The following LHX6 variants were observed in gnomAD, a reference collection of about 807,000 sequenced individuals.
LHX6 encodes the protein LIM/homeobox protein Lhx6.
LHX6 carries 15 observed loss-of-function variants against 47.1 expected under a neutral mutation model. That is an observed-to-expected ratio of 0.32 (90% CI 0.21 to 0.49). LHX6 has a LOEUF of 0.49. Among genes scored for constraint, LHX6 ranks in the 20% least tolerant of loss-of-function variants. The probability of loss-of-function intolerance (pLI) is 0.99; values close to 1 mark genes in which losing one functional copy is unlikely to be tolerated. For synonymous variants in LHX6, 242 were observed against 233.5 expected (o/e 1.04, Z -0.33); for missense variants, 404 against 539.6 (o/e 0.75, Z 2.49).
chr9:122,228,153 A>G, intron 1 of LHX6: 2 of 964,532 alleles, frequency 2.1e-6, no homozygotes, highest in Non-Finnish European at 1.6e-6. Context: ...AAGCAGCTAT[A>G]TTGACACGGA....
intron 4 of LHX6, among the ~76,000 whole-genome samples, chr9:122,225,236 T>C (rs1397188402): frequency 6.6e-6 from 1 of 152,196 alleles, no homozygotes; most frequent in African/African-American, 2.4e-5. Context: ...TGTCTGTGGG[T>C]TGGAGGGTAG....
In LHX6 at chr9:122,214,392, G is replaced by A. The variant is rs1156453861; in HGVS notation, c.683-9C>T. 1.3e-6 allele frequency: 2 copies of A among 1,556,092 alleles called. No homozygotes were observed. Among genetic ancestry groups the A allele is most frequent in the Non-Finnish European group, 1.7e-6 (2 of 1,156,388 alleles). On this transcript the variant is annotated splice_polypyrimidine_tract_variant and intron_variant, in intron 5 of 9. Coordinates refer to ENST00000394319, the MANE Select transcript of LHX6 (RefSeq NM_014368.5). This position sits in a 1 kb window ranked among gnomAD's most constrained non-coding sequence, Gnocchi z 4.6. ...CAACGTGAGGCCGTTCCCTGGGGGC[G>A]ATAGAAGCAGCTGACCACGCGTCCC...
Position 122,204,753 on chromosome 9 carries a change from G to C in LHX6, c.*7C>G, listed in dbSNP as rs748139868. 6.3e-7 allele frequency: 1 copy of C among 1,599,004 alleles called. No individual in the cohort carries two copies. On this transcript the variant is annotated 3_prime_UTR_variant, in exon 10 of 10. Coordinates refer to ENST00000394319, the MANE Select transcript of LHX6 (RefSeq NM_014368.5). ...GCCCACGGGCAGATGCGGAAGTGCC[G>C]GCAGCGTTAGTACTGAAAAAGGATG...
Position 122,226,034 on chromosome 9 carries a change from C to A in LHX6, c.461+342G>T, listed in dbSNP as rs912710509. Among the ~76,000 whole-genome samples, 7 of 152,130 alleles carry A rather than the reference C, an allele frequency of 4.6e-5. No homozygotes were observed. Among genetic ancestry groups the A allele is most frequent in the Non-Finnish European group, 1.0e-4 (7 of 68,022 alleles). On this transcript the variant is annotated intron_variant, in intron 4 of 9. Transcript: ENST00000394319. The surrounding 1 kb of genome is among the most constrained non-coding windows in gnomAD (Gnocchi z 6.5). Reference sequence around the variant, plus strand: ...CGGCTGGGATCCGAGTGGGTCCGGGCCAGAAATGGGGACCTCAGAGCTCCA... The same window carrying A: ...CGGCTGGGATCCGAGTGGGTCCGGGACAGAAATGGGGACCTCAGAGCTCCA...
chr9:122,227,781 G>GCA (rs1801273096), intron 1 of LHX6: 6 of 407,880 alleles, frequency 1.5e-5, no homozygotes, highest in African/African-American at 4.2e-5. Context: ...AAAAACACGC[G>GCA]CACACACACA....
intron 8 of LHX6, among the ~76,000 whole-genome samples, chr9:122,210,331 T>C (rs141048042): frequency 6.6e-6 from 1 of 152,266 alleles, no homozygotes; most frequent in African/African-American, 2.4e-5. Context: ...TGCAAGCAAG[T>C]CTGTACCCTG....
chr9:122,211,716 G>A (rs184133448), intron 8 of LHX6, among the ~76,000 whole-genome samples: 56 of 152,344 alleles, frequency 3.7e-4, no homozygotes, highest in South Asian at 6.2e-4. Flanking sequence ...TCTTCTCTAA[G>A]CAGCAAAGAC....
rs1205222561 is a variant in LHX6, at chr9:122,217,752, G to A, written c.462-464C>T. Among the ~76,000 whole-genome samples, 1 of 152,182 alleles carries A rather than the reference G, an allele frequency of 6.6e-6. No individual in the cohort carries two copies. Among genetic ancestry groups the A allele is most frequent in the Non-Finnish European group, 1.5e-5 (1 of 68,026 alleles). ...GGAGGTCACACCGCTTGCAATGATAGGAACCCTAGCGATCCTGCTCCAGAG... is the reference window on the plus strand; with the variant it reads ...GGAGGTCACACCGCTTGCAATGATAAGAACCCTAGCGATCCTGCTCCAGAG... On this transcript the variant is annotated intron_variant, in intron 4 of 9. Coordinates refer to ENST00000394319, the MANE Select transcript of LHX6 (RefSeq NM_014368.5). The surrounding 1 kb of genome is among the most constrained non-coding windows in gnomAD (Gnocchi z 4.9).
At chr9:122,204,886 A>T in intron 9 of LHX6, 106 bp from the exon 10 acceptor site, 1 of 690,330 alleles carries the variant, frequency 1.4e-6, no homozygotes, top group Non-Finnish European at 2.3e-6. Flanking sequence ...CTCAGGGCCC[A>T]GATCTGAGTT....
intron 4 of LHX6, among the ~76,000 whole-genome samples, chr9:122,218,924 A>G (rs1041859531): frequency 6.6e-6 from 1 of 151,168 alleles, no homozygotes; most frequent in Admixed American, 6.6e-5. Context: ...CGCTGACCAC[A>G]CTGGTTTGTA....
intron 5 of LHX6, among the ~76,000 whole-genome samples, chr9:122,216,734 C>G (rs1010327409): frequency 3.3e-5 from 5 of 152,138 alleles, no homozygotes; most frequent in African/African-American, 9.7e-5. Flanking sequence ...GTAGGCTGCC[C>G]GATTATGAGA....
Position 122,213,932 on chromosome 9 carries a change from G to T in LHX6, c.879+42C>A, listed in dbSNP as rs1830490085. The T allele has an allele frequency of 6.5e-7, 1 of 1,545,804 alleles. No homozygotes were observed. Among genetic ancestry groups the T allele is most frequent in the Non-Finnish European group, 8.8e-7 (1 of 1,133,854 alleles). On this transcript the variant is annotated intron_variant, in intron 7 of 9. Transcript: ENST00000394319. This position sits in a 1 kb window ranked among gnomAD's most constrained non-coding sequence, Gnocchi z 5.5. ...CGCCGAGCCCAGCTACGAGCTCCGG[G>T]GCGTGCCCGCGGTCCCCAGGCCCCG...
intron 2 of LHX6, 40 bp from the exon 3 acceptor site, chr9:122,227,070 C>T (rs1261704507): frequency 1.4e-6 from 2 of 1,443,788 alleles, no homozygotes; most frequent in Non-Finnish European, 1.8e-6. Context: ...CTGATCCGGG[C>T]ACCCAGAGTT....
At chr9:122,223,860 A>G (rs1299175204) in intron 4 of LHX6, among the ~76,000 whole-genome samples, 4 of 152,138 alleles carry the variant, frequency 2.6e-5, no homozygotes, top group African/African-American at 9.7e-5. Flanking sequence ...AGTGAATAAG[A>G]CTGCCAAATC....
intron 4 of LHX6, among the ~76,000 whole-genome samples, chr9:122,222,393 T>C (rs936082293): frequency 1.3e-5 from 2 of 152,196 alleles, no homozygotes; most frequent in African/African-American, 2.4e-5. Context: ...TTAAGAGTCC[T>C]GTCACATTTT....
At chr9:122,208,660 C>T (rs998838676) in intron 9 of LHX6, among the ~76,000 whole-genome samples, 1 of 151,804 alleles carries the variant, frequency 6.6e-6, no homozygotes, top group Non-Finnish European at 1.5e-5. Flanking sequence ...GGCGAAACCC[C>T]ATCTCTACTA....
chr9:122,207,005 C>T (rs1830205363), intron 9 of LHX6, among the ~76,000 whole-genome samples: 1 of 152,184 alleles, frequency 6.6e-6, no homozygotes, highest in Admixed American at 6.5e-5. Flanking sequence ...TCGCCTACTC[C>T]AGCTGCCCAT....
chr9:122,204,775 G>C lies in LHX6; in HGVS notation c.1164C>G (p.Ile388Met), dbSNP rs2118812657. 1 of 1,590,546 alleles carries C rather than the reference G, an allele frequency of 6.3e-7. No homozygotes were observed. The highest frequency in any genetic ancestry group is 1.3e-5 in the African/African-American group (1 of 74,306). Residue 388 changes from isoleucine to methionine, a missense_variant, in exon 10 of 10, where the codon ATC (isoleucine) becomes ATG (methionine). By Grantham distance (10) the Ile-to-Met change is conservative. This residue lies in a region of LHX6 where 127 missense variants were observed against 116.1 expected (regional missense o/e 1.09). Transcript: ENST00000394319. ...GPLSNRGEKV[I>M]LFQY ...GCCGGCAGCGTTAGTACTGAAAAAG[G>C]ATGACCTGCAAGAGGAGGGCATGGG...
chr9:122,221,321 C>T (rs925089150), intron 4 of LHX6: 3 of 985,478 alleles, frequency 3.0e-6, no homozygotes, highest in Non-Finnish European at 3.6e-6. Context: ...CTCTCGGCTC[C>T]CCCAACATCT....
Sources: gnomAD v4.1 joint callset for allele counts (sites outside exome capture counted in the v4.1 genomes callset) on GRCh38, gnomAD v4.1.1 for gene constraint, gnomAD v4.1.1 regional missense constraint, Gnocchi (gnomAD v3.1) non-coding constraint, MANE v1.5 for transcripts, NCBI Gene and HGNC (gene_info 2026-07-23, HGNC 2026-07-21) for gene names.